GLI2: variants seen among roughly 807,000 people sequenced by gnomAD.
GLI2 encodes the protein transcription activator GLI2.
GLI2 carries 22 observed loss-of-function variants against 78.9 expected under a neutral mutation model. The observed-to-expected ratio is 0.28, with a 90% confidence interval of 0.20 to 0.40. The LOEUF is 0.40. Among genes scored for constraint, GLI2 ranks in the 10% least tolerant of loss-of-function variants. The pLI, the probability that GLI2 is intolerant of heterozygous loss-of-function variation, is 1.00. For missense variants in GLI2, 2,097 were observed against 2,213.2 expected (o/e 0.95, Z 1.05); for synonymous variants, 974 against 963.7 (o/e 1.01, Z -0.20).
At chr2:120,829,928 A>AG (rs760756776) in intron 2 of GLI2, among the ~76,000 whole-genome samples, 6 of 151,866 alleles carry the variant, frequency 4.0e-5, no homozygotes, top group Non-Finnish European at 8.8e-5. Context: ...TTCAGAGGGG[A>AG]GGGGGCGCAT....
At chr2:120,845,418 G>T (rs1412465648) in intron 2 of GLI2, among the ~76,000 whole-genome samples, 1 of 152,234 alleles carries the variant, frequency 6.6e-6, no homozygotes, top group Non-Finnish European at 1.5e-5. Flanking sequence ...TTGGCTTCAA[G>T]GAACTAGATC....
intron 5 of GLI2, among the ~76,000 whole-genome samples, chr2:120,966,794 G>A (rs1362225356): frequency 6.6e-6 from 1 of 152,208 alleles, no homozygotes; most frequent in East Asian, 1.9e-4. Context: ...GTGTGGAGTG[G>A]GGGGCTCAGA....
At chr2:120,958,403 C>T (rs1054861242) in intron 5 of GLI2, among the ~76,000 whole-genome samples, 1 of 152,166 alleles carries the variant, frequency 6.6e-6, no homozygotes, top group Admixed American at 6.5e-5. Context: ...CAGGTTCTCC[C>T]AGACCTTTTC....
At chr2:120,842,317 T>A (rs1686925125) in intron 2 of GLI2, among the ~76,000 whole-genome samples, 1 of 152,232 alleles carries the variant, frequency 6.6e-6, no homozygotes. Flanking sequence ...CACACATACA[T>A]ACATATATAT....
At chr2:120,878,761 G>A (rs1380393921) in intron 2 of GLI2, among the ~76,000 whole-genome samples, 3 of 151,808 alleles carry the variant, frequency 2.0e-5, no homozygotes, top group East Asian at 1.9e-4. Context: ...GTGAAACCCC[G>A]TCTCTACTAA....
At chr2:120,896,342 G>A (rs1437034300) in intron 2 of GLI2, among the ~76,000 whole-genome samples, 1 of 152,120 alleles carries the variant, frequency 6.6e-6, no homozygotes, top group East Asian at 1.9e-4. Flanking sequence ...GACCCCAGAA[G>A]GCTGTTTGGG....
intron 1 of GLI2, among the ~76,000 whole-genome samples, chr2:120,766,708 C>T (rs1683377152): frequency 6.6e-6 from 1 of 152,160 alleles, no homozygotes; most frequent in South Asian, 2.1e-4. Flanking sequence ...AAACTAGGGA[C>T]ATAATGGTGA....
chr2:120,856,946 T>C (rs1191004623), intron 2 of GLI2, among the ~76,000 whole-genome samples: 2 of 151,796 alleles, frequency 1.3e-5, no homozygotes, highest in Admixed American at 6.6e-5. Context: ...TATATCAAGG[T>C]GGGAGCTGCC....
intron 2 of GLI2, among the ~76,000 whole-genome samples, chr2:120,801,137 T>G (rs922500414): frequency 4.6e-5 from 7 of 152,152 alleles, no homozygotes; most frequent in African/African-American, 1.7e-4. Flanking sequence ...TTCACTTTTT[T>G]GTTTGTTTGC....
chr2:120,808,955 C>T (rs145102460), intron 2 of GLI2, among the ~76,000 whole-genome samples: 40 of 152,284 alleles, frequency 2.6e-4, no homozygotes, highest in African/African-American at 9.1e-4. Flanking sequence ...ATGCCTGGCC[C>T]CCTGGGTTTT....
intron 2 of GLI2, among the ~76,000 whole-genome samples, chr2:120,905,759 T>G (rs1678493649): frequency 6.6e-6 from 1 of 152,200 alleles, no homozygotes; most frequent in Non-Finnish European, 1.5e-5. Context: ...TTGTTCTTGT[T>G]ATTCCATCAG....
At chr2:120,837,113 G>A (rs1343220090) in intron 2 of GLI2, among the ~76,000 whole-genome samples, 1 of 152,128 alleles carries the variant, frequency 6.6e-6, no homozygotes, top group African/African-American at 2.4e-5. Flanking sequence ...CTTAATCTTA[G>A]GCCGGGCGCG....
intron 2 of GLI2, among the ~76,000 whole-genome samples, chr2:120,876,224 C>A (rs1688732915): frequency 6.6e-6 from 1 of 152,162 alleles, no homozygotes. Context: ...TGCCTGTAGT[C>A]CCAGCTACTC....
chr2:120,829,026 C>T (rs1258879172), intron 2 of GLI2, among the ~76,000 whole-genome samples: 1 of 152,172 alleles, frequency 6.6e-6, no homozygotes, highest in Non-Finnish European at 1.5e-5. Context: ...GACATGCTGT[C>T]ACTCATACTC....
chr2:120,991,027 G>T lies in GLI2; in HGVS notation c.*352G>T. 4.1e-6 allele frequency: 1 copy of T among 243,406 alleles called. No homozygotes were observed. Among genetic ancestry groups the T allele is most frequent in the Non-Finnish European group, 8.0e-6 (1 of 125,290 alleles). The allele number at this position is 243,406 out of a possible 1,614,324, so 15.1% of individuals were successfully genotyped here. On this transcript the variant is annotated 3_prime_UTR_variant, in exon 14 of 14. Coordinates refer to ENST00000361492, the MANE Select transcript of GLI2 (RefSeq NM_001374353.1). ...ATTACTTTGGCCAAAACCTTTCAAA[G>T]GATATGCAGAAAGATGGTAGGGAGC...
intron 1 of GLI2, among the ~76,000 whole-genome samples, chr2:120,750,437 G>C (rs1159833550): frequency 6.6e-6 from 1 of 152,232 alleles, no homozygotes; most frequent in Non-Finnish European, 1.5e-5. Context: ...GCAGGCACTG[G>C]AGATAGACTG....
At chr2:120,784,159 A>G (rs2104674171) in intron 1 of GLI2, among the ~76,000 whole-genome samples, 1 of 152,336 alleles carries the variant, frequency 6.6e-6, no homozygotes, top group East Asian at 1.9e-4. Flanking sequence ...CTGGATGCCA[A>G]CTGTGTGCCA....
Position 120,989,425 on chromosome 2 carries a change from C to T in GLI2, c.3460C>T (p.Leu1154=). ...VKPPPFPQGN[L]AVVQQKPAFG... ...GCCTCCACCCTTTCCTCAGGGCAAC[C>T]TGGCGGTGGTGCAGCAGAAGCCTGC... Residue 1154 remains leucine (L), a synonymous_variant, in exon 14 of 14, where the codon CTG becomes TTG. Transcript: ENST00000361492. The T allele has an allele frequency of 6.2e-7, 1 of 1,613,116 alleles. No homozygotes were observed. The highest frequency in any genetic ancestry group is 8.5e-7 in the Non-Finnish European group (1 of 1,180,006).
chr2:120,970,429 G>A lies in GLI2; in HGVS notation c.882G>A (p.Val294=). The A allele has an allele frequency of 6.2e-7, 1 of 1,613,260 alleles. No homozygotes were observed. The highest frequency in any genetic ancestry group is 2.2e-5 in the East Asian group (1 of 44,820). The part of the protein sequence containing the change: ...AFTFPHPINP[V]AYQQILSQQR... ...CCTTCCCCCACCCCATCAACCCCGT[G>A]GCCTACCAGCAGATTCTGAGCCAGC... The change falls in exon 7 of 14, where the codon GTG becomes GTA. Residue 294 remains valine, a synonymous_variant. Transcript: ENST00000361492.
Sources: gnomAD v4.1 joint callset for allele counts (sites outside exome capture counted in the v4.1 genomes callset) on GRCh38, gnomAD v4.1.1 for gene constraint, MANE v1.5 for transcripts, NCBI Gene and HGNC (gene_info 2026-07-23, HGNC 2026-07-21) for gene names.